The following PACSIN3 variants were observed in gnomAD, a reference collection of about 807,000 sequenced individuals.
The protein encoded by PACSIN3 is protein kinase C and casein kinase substrate in neurons 3.
A neutral mutation model predicts 56.1 loss-of-function variants in PACSIN3; 34 were observed. The observed-to-expected ratio is 0.61, with a 90% confidence interval of 0.46 to 0.81. The LOEUF (loss-of-function observed/expected upper bound fraction) is 0.81. PACSIN3 is among the 30% of genes least tolerant of loss of function. The probability of loss-of-function intolerance (pLI) is 0.00; values close to 1 mark genes in which losing one functional copy is unlikely to be tolerated. For synonymous variants in PACSIN3, 218 were observed against 229.8 expected (o/e 0.95, Z 0.46); for missense variants, 535 against 592.4 (o/e 0.90, Z 1.01).
chr11:47,177,746 C>A lies in PACSIN3; in HGVS notation c.*185G>T. Reference sequence around the variant, plus strand: ...ATCTTGCCCTCAGCCTAGACTCGTCCCTTCCCTACCAGTCCCTTCCCTAGA... The same window carrying A: ...ATCTTGCCCTCAGCCTAGACTCGTCACTTCCCTACCAGTCCCTTCCCTAGA... On this transcript the variant is annotated 3_prime_UTR_variant, in exon 11 of 11. Coordinates refer to ENST00000298838, the MANE Select transcript of PACSIN3 (RefSeq NM_016223.5). The A allele has an allele frequency of 1.6e-6, 1 of 619,604 alleles. No individual in the cohort carries two copies. Among genetic ancestry groups the A allele is most frequent in the East Asian group, 2.8e-5 (1 of 36,092 alleles). 38.4% of individuals were successfully genotyped at this position (619,604 alleles called of 1,614,324 possible).
At position 47,186,173 on chromosome 11, in the gene PACSIN3, G is replaced by A. The variant is rs992625712; in HGVS notation, c.-104+176C>T. Among the ~76,000 whole-genome samples the A allele has an allele frequency of 6.6e-6, 1 of 151,958 alleles. No homozygotes were observed. Among genetic ancestry groups the A allele is most frequent in the African/African-American group, 2.4e-5 (1 of 41,422 alleles). ...GCGAAGCCCGCGGCACCGCAGATGG[G>A]ACGGCCCCTCGGCGCGGCTACGGCC... On this transcript the variant is annotated intron_variant, in intron 1 of 10. Coordinates refer to ENST00000298838, the MANE Select transcript of PACSIN3 (RefSeq NM_016223.5). This position sits in a 1 kb window ranked among gnomAD's most constrained non-coding sequence, Gnocchi z 4.5.
Position 47,182,387 on chromosome 11 carries a change from C to A in PACSIN3, c.211+16G>T, listed in dbSNP as rs1207366036. 5.0e-6 allele frequency: 8 copies of A among 1,586,352 alleles called. No homozygotes were observed. Among genetic ancestry groups the A allele is most frequent in the East Asian group, 2.2e-5 (1 of 44,478 alleles). On this transcript the variant is annotated intron_variant, in intron 4 of 10. Transcript: ENST00000298838. ...GCACTCAGCTGCCCTCTGCCCCCTG[C>A]GAGGGCCTGGCTCACCCTTCTCCAC...
chr11:47,182,256 C>A, intron 4 of PACSIN3, 147 bp downstream of exon 4: 1 of 715,318 alleles, frequency 1.4e-6, no homozygotes, highest in African/African-American at 1.8e-5. Context: ...AATAACACCA[C>A]AGCCATGAGG....
At position 47,178,005 on chromosome 11, in the gene PACSIN3, A is replaced by G; in HGVS notation, c.1201T>C (p.Trp401Arg). The change falls in exon 11 of 11, where the codon TGG (tryptophan) becomes CGG (arginine). Residue 401 changes from tryptophan (W) to arginine (R), a missense_variant. Coordinates refer to ENST00000298838, the MANE Select transcript of PACSIN3 (RefSeq NM_016223.5). This position sits in a 1 kb window ranked among gnomAD's most constrained non-coding sequence, Gnocchi z 4.2. ...CCACTCTGCAACTGGCCTTGGCACC[A>G]GCCCTGCTCGTCCTCCTCACTCATC... ...LKMSEEDEQGWCQGQLQSGRI... is the reference protein window; with the variant it reads ...LKMSEEDEQGRCQGQLQSGRI... The G allele has an allele frequency of 6.2e-7, 1 of 1,614,100 alleles. No individual in the cohort carries two copies. Among genetic ancestry groups the G allele is most frequent in the Non-Finnish European group, 8.5e-7 (1 of 1,179,980 alleles).
At chr11:47,182,622 A>C (rs1376954648) in intron 3 of PACSIN3, 52 bp downstream of exon 3, 49 of 1,603,886 alleles carry the variant, frequency 3.1e-5, no homozygotes, top group Non-Finnish European at 4.1e-5. Flanking sequence ...TGGGGCTGTC[A>C]GATGGGCTCC....
In PACSIN3 at chr11:47,178,780, C is replaced by G; in HGVS notation, c.1037+114G>C. Reference sequence around the variant, plus strand: ...AACTACTAAGTAGGCCCTCAGGTCCCTGGCACCAATTTTCAACCCATTTCA... The same window carrying G: ...AACTACTAAGTAGGCCCTCAGGTCCGTGGCACCAATTTTCAACCCATTTCA... On this transcript the variant is annotated intron_variant, in intron 9 of 10. Coordinates refer to ENST00000298838, the MANE Select transcript of PACSIN3 (RefSeq NM_016223.5). The surrounding 1 kb of genome is among the most constrained non-coding windows in gnomAD (Gnocchi z 4.2). The G allele has an allele frequency of 1.6e-6, 2 of 1,282,232 alleles. No homozygotes were observed. Among genetic ancestry groups the G allele is most frequent in the Non-Finnish European group, 2.2e-6 (2 of 925,364 alleles). The allele number at this position is 1,282,232 out of a possible 1,614,324, so 79.4% of individuals were successfully genotyped here.
At chr11:47,182,883 A>C (rs1953055114) in intron 2 of PACSIN3, 119 bp from the exon 3 acceptor site, 1 of 713,322 alleles carries the variant, frequency 1.4e-6, no homozygotes, top group Admixed American at 3.1e-5. Context: ...AGGAGTCATC[A>C]GAGCTAGGAC....
chr11:47,178,169 C>A lies in PACSIN3; in HGVS notation c.1160-123G>T. ...CCAGCTAGCAAAGACATGGCTCAGG[C>A]AGAGGCAGGTCAAGGTCAGCAAGCT... is the stretch of plus-strand genomic sequence containing the variant. On this transcript the variant is annotated intron_variant, in intron 10 of 10. Transcript: ENST00000298838. The surrounding 1 kb of genome is among the most constrained non-coding windows in gnomAD (Gnocchi z 4.2). 8.6e-7 allele frequency: 1 copy of A among 1,166,626 alleles called. No individual in the cohort carries two copies. 72.3% of individuals were successfully genotyped at this position (1,166,626 alleles called of 1,614,324 possible). A position where few individuals can be genotyped will look rare whatever the true frequency, so the allele number is the denominator to read the frequency against.
chr11:47,178,905 C>G lies in PACSIN3; in HGVS notation c.1026G>C (p.Pro342=). Residue 342 remains proline (P), a synonymous_variant, in exon 9 of 11, where the codon CCG becomes CCC. Transcript: ENST00000298838. The surrounding 1 kb of genome is among the most constrained non-coding windows in gnomAD (Gnocchi z 4.2). The part of the protein sequence containing the change: ...RDGTAPPPQS[P]GSPGTGQDEE... ...CTCCTGGCTCTCACCCTGGGGACCC[C>G]GGGGACTGGGGTGGGGGTGCGGTGC... 4 of 1,613,878 alleles carry G rather than the reference C, an allele frequency of 2.5e-6. No homozygotes were observed. Among genetic ancestry groups the G allele is most frequent in the Non-Finnish European group, 3.4e-6 (4 of 1,179,992 alleles).
chr11:47,180,124 C>T, intron 6 of PACSIN3, 62 bp downstream of exon 6: 2 of 1,491,064 alleles, frequency 1.3e-6, no homozygotes, highest in Non-Finnish European at 1.8e-6. Flanking sequence ...GTTCAGGGAG[C>T]AAGATTCATT....
chr11:47,178,665 T>C lies in PACSIN3; in HGVS notation c.1038-178A>G, dbSNP rs903291103. On this transcript the variant is annotated intron_variant, in intron 9 of 10. Transcript: ENST00000298838. This position sits in a 1 kb window ranked among gnomAD's most constrained non-coding sequence, Gnocchi z 4.2. Reference sequence around the variant, plus strand: ...CGACTGTGAGCAAAGAGGCAATTCCTGCCACACGCAGCTGATTTAAGGCAT... The same window carrying C: ...CGACTGTGAGCAAAGAGGCAATTCCCGCCACACGCAGCTGATTTAAGGCAT... Among the ~76,000 whole-genome samples the C allele has an allele frequency of 1.3e-5, 2 of 152,288 alleles. No homozygotes were observed. Among genetic ancestry groups the C allele is most frequent in the Non-Finnish European group, 2.9e-5 (2 of 68,020 alleles).
intron 1 of PACSIN3, among the ~76,000 whole-genome samples, chr11:47,183,649 A>G (rs1026772308): frequency 9.2e-5 from 14 of 152,218 alleles, no homozygotes; most frequent in African/African-American, 3.4e-4. Context: ...TCCGTGGGGA[A>G]CACACAACCC....
chr11:47,182,699 T>A lies in PACSIN3; in HGVS notation c.29A>T (p.Glu10Val), dbSNP rs1348689444. 1 of 1,612,608 alleles carries A rather than the reference T, an allele frequency of 6.2e-7. No individual in the cohort carries two copies. Among genetic ancestry groups the A allele is most frequent in the Admixed American group, 1.7e-5 (1 of 59,784 alleles). ...CTCCCAGAAACTGCCCCCTAAGGCC[T>A]CCCCTCCAGCGTCCTCTTCTGGAGC... MAPEEDAGG[E>V]ALGGSFWEAG... The change falls in exon 3 of 11, where the codon GAG becomes GTG. Residue 10 changes from glutamate to valine, a missense_variant. Glu to Val is a moderately radical substitution (Grantham distance 121). Transcript: ENST00000298838.
Position 47,177,907 on chromosome 11 carries a change from G to A in PACSIN3, c.*24C>T, listed in dbSNP as rs1248290902. The A allele has an allele frequency of 2.5e-6, 4 of 1,576,520 alleles. No homozygotes were observed. Among genetic ancestry groups the A allele is most frequent in the Admixed American group, 1.7e-5 (1 of 59,946 alleles). The stretch of plus-strand genomic sequence containing the variant: ...GGGCTCTGAACCAGGGTGGGTAAAC[G>A]TTGCAGAAGGGCTGTCAGGACACTC... On this transcript the variant is annotated 3_prime_UTR_variant, in exon 11 of 11. Coordinates refer to ENST00000298838, the MANE Select transcript of PACSIN3 (RefSeq NM_016223.5).
At position 47,178,479 on chromosome 11, in the gene PACSIN3, T is replaced by G. The variant is rs1188990064; in HGVS notation, c.1046A>C (p.Gln349Pro). The G allele has an allele frequency of 6.2e-7, 1 of 1,613,620 alleles. No homozygotes were observed. The highest frequency in any genetic ancestry group is 8.5e-7 in the Non-Finnish European group (1 of 1,179,894). The part of the protein sequence containing the change: ...PQSPGSPGTG[Q>P]DEEWSDEESP... ...CTCTTCATCTGACCACTCCTCATCC[T>G]GCCCCGTGCTGGAGAGGGGAGGCAA... The change falls in exon 10 of 11, where the codon CAG (glutamine) becomes CCG (proline). Residue 349 changes from glutamine to proline, a missense_variant. By Grantham distance (76) the Gln-to-Pro change is moderately conservative. Transcript: ENST00000298838. The surrounding 1 kb of genome is among the most constrained non-coding windows in gnomAD (Gnocchi z 4.2).
At chr11:47,183,858 C>T (rs1953073287) in intron 1 of PACSIN3, among the ~76,000 whole-genome samples, 2 of 152,136 alleles carry the variant, frequency 1.3e-5, no homozygotes, top group African/African-American at 4.8e-5. Context: ...CTCGTCTCTA[C>T]TAAAAATATA....
intron 1 of PACSIN3, among the ~76,000 whole-genome samples, chr11:47,184,034 C>T (rs1407613174): frequency 6.6e-6 from 1 of 151,594 alleles, no homozygotes; most frequent in Non-Finnish European, 1.5e-5. Flanking sequence ...AAAAAAAGTT[C>T]CCTAGAATCG....
intron 5 of PACSIN3, 45 bp downstream of exon 5, chr11:47,180,410 A>G: frequency 6.3e-7 from 1 of 1,595,478 alleles, no homozygotes; most frequent in Admixed American, 1.7e-5. Flanking sequence ...CTTGCAAACA[A>G]ACAGGAAGGA....
In PACSIN3 at chr11:47,182,412, C is replaced by A; in HGVS notation, c.202G>T (p.Val68Leu). ...ADWARKWRGT[V>L]EKGPQYGTLE... is the part of the protein sequence containing the mutation. ...CGAGGGCCTGGCTCACCCTTCTCCACGGTCCCCCTCCACTTTCGGGCCCAG... is the reference window on the plus strand; with the variant it reads ...CGAGGGCCTGGCTCACCCTTCTCCAAGGTCCCCCTCCACTTTCGGGCCCAG... Residue 68 changes from valine to leucine, a missense_variant, in exon 4 of 11, where the codon GTG becomes TTG. Coordinates refer to ENST00000298838, the MANE Select transcript of PACSIN3 (RefSeq NM_016223.5). 1 of 1,598,178 alleles carries A rather than the reference C, an allele frequency of 6.3e-7. No homozygotes were observed. Among genetic ancestry groups the A allele is most frequent in the South Asian group, 1.1e-5 (1 of 90,974 alleles).
Sources: gnomAD v4.1 joint callset for allele counts (sites outside exome capture counted in the v4.1 genomes callset) on GRCh38, gnomAD v4.1.1 for gene constraint, Gnocchi (gnomAD v3.1) non-coding constraint, MANE v1.5 for transcripts, NCBI Gene and HGNC (gene_info 2026-07-23, HGNC 2026-07-21) for gene names.